The following PKIB variants were observed in gnomAD, a reference collection of about 807,000 sequenced individuals.
PKIB encodes the protein PKI-beta.
PKIB carries 2 observed loss-of-function variants against 4.5 expected under a neutral mutation model. The observed-to-expected ratio is 0.44, with a 90% CI of 0.18 to 1.39. The LOEUF (loss-of-function observed/expected upper bound fraction) is 1.39. PKIB is among the 40% of genes most tolerant of loss of function. PKIB has a pLI of 0.27. For synonymous variants in PKIB, 38 were observed against 36.0 expected (o/e 1.06, Z -0.20); for missense variants, 94 against 92.6 (o/e 1.02, Z -0.06).
At chr6:122,656,660 A>T (rs1365567829) in intron 2 of PKIB, among the ~76,000 whole-genome samples, 1 of 152,196 alleles carries the variant, frequency 6.6e-6, no homozygotes. Flanking sequence ...GGGGCAAGAA[A>T]GTTGATGGGG....
chr6:122,474,005 C>T (rs927308311), intron 1 of PKIB, among the ~76,000 whole-genome samples: 6 of 152,134 alleles, frequency 3.9e-5, no homozygotes, highest in African/African-American at 1.4e-4. Context: ...TGGTGGCACA[C>T]CTCTGTAATC....
At chr6:122,676,598 T>C (rs1233252020) in intron 3 of PKIB, among the ~76,000 whole-genome samples, 4 of 152,204 alleles carry the variant, frequency 2.6e-5, no homozygotes, top group African/African-American at 9.6e-5. Context: ...GATCATTTTA[T>C]GATTCCAGGA....
chr6:122,554,879 TGCACA>T (rs1178403242), intron 2 of PKIB, among the ~76,000 whole-genome samples: 3 of 152,202 alleles, frequency 2.0e-5, no homozygotes, highest in African/African-American at 7.2e-5. Context: ...GATAATTGCC[TGCACA>T]GCTATTTGGG....
intron 2 of PKIB, among the ~76,000 whole-genome samples, chr6:122,635,432 T>A (rs1775877500): frequency 6.6e-6 from 1 of 151,938 alleles, no homozygotes; most frequent in African/African-American, 2.4e-5. Context: ...CTATTTATAA[T>A]CAATTACTAG....
At chr6:122,675,989 G>A (rs1777657828) in intron 3 of PKIB, among the ~76,000 whole-genome samples, 1 of 139,030 alleles carries the variant, frequency 7.2e-6, no homozygotes, top group Non-Finnish European at 1.6e-5. Context: ...GGGTTGGAGG[G>A]GATAAGGGAC....
intron 2 of PKIB, among the ~76,000 whole-genome samples, chr6:122,538,582 C>A (rs1030167351): frequency 7.2e-5 from 11 of 152,098 alleles, no homozygotes; most frequent in African/African-American, 2.4e-4. Context: ...GTTACTGTAG[C>A]CTTGTAGTAT....
chr6:122,677,798 T>C (rs1777734483), intron 3 of PKIB, among the ~76,000 whole-genome samples: 1 of 152,232 alleles, frequency 6.6e-6, no homozygotes, highest in African/African-American at 2.4e-5. Flanking sequence ...ACTCTAATTC[T>C]GCCATTTTAG....
intron 3 of PKIB, among the ~76,000 whole-genome samples, chr6:122,601,433 C>A (rs1018998524): frequency 6.6e-6 from 1 of 151,992 alleles, no homozygotes; most frequent in South Asian, 2.1e-4. Context: ...GGAAAAATAA[C>A]CTCTCACCCT....
At chr6:122,549,460 T>G (rs1451352101) in intron 2 of PKIB, among the ~76,000 whole-genome samples, 1 of 152,170 alleles carries the variant, frequency 6.6e-6, no homozygotes, top group Non-Finnish European at 1.5e-5. Flanking sequence ...TTCTCCACAT[T>G]CCTCTGCCAT....
intron 2 of PKIB, among the ~76,000 whole-genome samples, chr6:122,504,546 T>C (rs950498983): frequency 2.6e-5 from 4 of 152,232 alleles, no homozygotes; most frequent in African/African-American, 9.6e-5. Context: ...TGAATGCATA[T>C]TTTCTCTGAT....
At chr6:122,616,251 G>T (rs147149292) in intron 1 of PKIB, among the ~76,000 whole-genome samples, 1 of 152,170 alleles carries the variant, frequency 6.6e-6, no homozygotes, top group Non-Finnish European at 1.5e-5. Flanking sequence ...GCTTCAAAAT[G>T]TGTGGCATGA....
chr6:122,553,503 T>TTTTTTTTTTTTTTTC (rs1491110198), intron 2 of PKIB, among the ~76,000 whole-genome samples: 1 of 130,852 alleles, frequency 7.6e-6, no homozygotes, highest in Non-Finnish European at 1.7e-5. Context: ...TTTTTTTTTT[T>TTTTTTTTTTTTTTTC]CTGAAAAAGG....
chr6:122,521,083 G>A (rs948367201), intron 2 of PKIB, among the ~76,000 whole-genome samples: 2 of 152,220 alleles, frequency 1.3e-5, no homozygotes, highest in East Asian at 1.9e-4. Context: ...GGCCCTATCT[G>A]TTGACCAATG....
At chr6:122,671,589 T>C (rs185830732) in intron 2 of PKIB, among the ~76,000 whole-genome samples, 41 of 152,312 alleles carry the variant, frequency 2.7e-4, no homozygotes, top group Middle Eastern at 6.8e-3. Context: ...CCTGACATGA[T>C]TTTTATGTTT....
chr6:122,614,249 G>C (rs1774889693), intron 1 of PKIB, among the ~76,000 whole-genome samples: 2 of 152,168 alleles, frequency 1.3e-5, no homozygotes, highest in South Asian at 2.1e-4. Context: ...TTCTCACCTA[G>C]AATCCTGGAT....
chr6:122,492,842 T>C (rs922162048), intron 2 of PKIB, among the ~76,000 whole-genome samples: 1 of 151,982 alleles, frequency 6.6e-6, no homozygotes, highest in Admixed American at 6.6e-5. Context: ...ACCCAATAAT[T>C]ATTTAAGACA....
At chr6:122,514,784 G>T (rs1168262012) in intron 2 of PKIB, among the ~76,000 whole-genome samples, 1 of 152,146 alleles carries the variant, frequency 6.6e-6, no homozygotes, top group Non-Finnish European at 1.5e-5. Context: ...GGGGAGAAGG[G>T]AGCCCCTACA....
Position 122,722,188 on chromosome 6 carries a change from C to T in PKIB, c.170-2940C>T, listed in dbSNP as rs77143056. Among the ~76,000 whole-genome samples the T allele has an allele frequency of 6.5e-3, 989 of 152,202 alleles. 10 individuals carry two copies. The highest frequency in any genetic ancestry group is 0.022 in the African/African-American group (925 of 41,542). On this transcript the variant is annotated intron_variant, in intron 4 of 4. Transcript: ENST00000368452. ...ATACAAAATGTTTTCCTTTCATTAA[C>T]ATCACAATACAAAGTTGACAGCAAT...
intron 2 of PKIB, among the ~76,000 whole-genome samples, chr6:122,522,549 G>A (rs555790418): frequency 3.3e-5 from 5 of 152,342 alleles, no homozygotes; most frequent in Middle Eastern, 3.4e-3. Flanking sequence ...CAGGGCCCTG[G>A]TGGTGTAGGC....
Sources: gnomAD v4.1 joint callset for allele counts (sites outside exome capture counted in the v4.1 genomes callset) on GRCh38, gnomAD v4.1.1 for gene constraint, MANE v1.5 for transcripts, NCBI Gene and HGNC (gene_info 2026-07-23, HGNC 2026-07-21) for gene names.